Variants in SUMF1 observed in about 807,000 individuals in gnomAD.
SUMF1 encodes formylglycine-generating enzyme.
A neutral mutation model predicts 47.6 loss-of-function variants in SUMF1; 48 were observed. The observed-to-expected ratio is 1.01, with a 90% CI of 0.80 to 1.28. SUMF1 has a LOEUF of 1.28. SUMF1 is among the 50% of genes most tolerant of loss of function. The pLI is 0.00. For synonymous variants in SUMF1, 230 were observed against 192.1 expected, an observed-to-expected ratio of 1.20 and a Z score of -1.63; for missense variants, 571 against 485.4, an observed-to-expected ratio of 1.18 and a Z score of -1.66.
At chr3:4,411,080 T>A (rs1701526467) in intron 6 of SUMF1, 102 bp from the exon 7 acceptor site, 1 of 982,916 alleles carries the variant, frequency 1.0e-6, no homozygotes, top group Non-Finnish European at 1.6e-6. Flanking sequence ...AGAGTATGAA[T>A]GTTGGGTTTT....
At chr3:4,047,776 G>C (rs1695031198) in intron 9 of SUMF1, among the ~76,000 whole-genome samples, 1 of 152,036 alleles carries the variant, frequency 6.6e-6, no homozygotes, top group South Asian at 2.1e-4. Context: ...CAATGCACTG[G>C]GAGTTTGAAT....
intron 8 of SUMF1, among the ~76,000 whole-genome samples, chr3:4,282,064 T>C (rs2125046717): frequency 6.6e-6 from 1 of 152,324 alleles, no homozygotes; most frequent in East Asian, 1.9e-4. Flanking sequence ...TTTGTCATTA[T>C]CGTGATACAT....
intron 2 of SUMF1, 94 bp downstream of exon 2, chr3:4,452,782 A>C: frequency 7.1e-7 from 1 of 1,408,124 alleles, no homozygotes; most frequent in Non-Finnish European, 1.0e-6. Context: ...CACAGAATGC[A>C]GTAAAAATGG....
chr3:4,201,425 T>C (rs1444356523), intron 8 of SUMF1, among the ~76,000 whole-genome samples: 1 of 152,110 alleles, frequency 6.6e-6, no homozygotes, highest in Non-Finnish European at 1.5e-5. Flanking sequence ...CTTATTTCAC[T>C]TGACATTATG....
intron 8 of SUMF1, among the ~76,000 whole-genome samples, chr3:4,235,758 T>C (rs1210968533): frequency 1.3e-5 from 2 of 152,090 alleles, no homozygotes; most frequent in African/African-American, 4.8e-5. Context: ...TATCTGCTGA[T>C]ATTTTTTATG....
At chr3:4,260,942 T>G (rs1309139171) in intron 8 of SUMF1, among the ~76,000 whole-genome samples, 1 of 152,096 alleles carries the variant, frequency 6.6e-6, no homozygotes, top group African/African-American at 2.4e-5. Flanking sequence ...GAAGCCCTGG[T>G]GATACCTTGA....
intron 8 of SUMF1, among the ~76,000 whole-genome samples, chr3:4,257,509 A>G (rs1250857133): frequency 6.8e-6 from 1 of 146,092 alleles, no homozygotes; most frequent in African/African-American, 2.5e-5. Flanking sequence ...CTCCCATTCA[A>G]AATTGCTTCA....
chr3:4,298,000 A>C (rs1356249901), intron 8 of SUMF1, among the ~76,000 whole-genome samples: 2 of 152,136 alleles, frequency 1.3e-5, no homozygotes, highest in African/African-American at 4.8e-5. Flanking sequence ...GGATAACTGA[A>C]CCTATGAAAT....
intron 8 of SUMF1, among the ~76,000 whole-genome samples, chr3:4,110,237 C>T (rs1404989832): frequency 4.6e-5 from 7 of 152,048 alleles, no homozygotes; most frequent in South Asian, 2.1e-4. Context: ...TGCAGAACAG[C>T]GGATATTGGT....
chr3:4,190,584 G>T (rs1695293600), intron 8 of SUMF1, among the ~76,000 whole-genome samples: 1 of 152,034 alleles, frequency 6.6e-6, no homozygotes, highest in Admixed American at 6.6e-5. Flanking sequence ...TACATTTGTA[G>T]AACTCTGCAT....
intron 1 of SUMF1, 137 bp downstream of exon 1, chr3:4,466,839 A>G: frequency 7.5e-7 from 1 of 1,331,494 alleles, no homozygotes. Context: ...AACTCCTCAT[A>G]CGGGAACAGC....
At position 4,221,664 on chromosome 3, in the gene SUMF1, G is replaced by C. The variant is rs139871814; in HGVS notation, c.1015-152919C>G. On this transcript the variant is annotated intron_variant and NMD_transcript_variant, in intron 8 of 12. Transcript: ENST00000448413. ...TAAATGAATGCCAATTATGTGCCAG[G>C]CACTGTGCAAGGAAATCAGAATTCT... Among the ~76,000 whole-genome samples, 21 of 152,098 alleles carry C rather than the reference G, an allele frequency of 1.4e-4. No homozygotes were observed. The East Asian group carries it at 3.9e-3, about 28-fold the overall frequency.
chr3:4,453,749 G>A (rs1703059645), intron 1 of SUMF1, among the ~76,000 whole-genome samples: 1 of 151,938 alleles, frequency 6.6e-6, no homozygotes, highest in African/African-American at 2.4e-5. Context: ...GGCCAGGCTG[G>A]TCTTGAACTC....
At chr3:4,395,500 G>C (rs929099654) in intron 7 of SUMF1, among the ~76,000 whole-genome samples, 1 of 152,180 alleles carries the variant, frequency 6.6e-6, no homozygotes, top group Admixed American at 6.5e-5. Flanking sequence ...AGAGGAAAAG[G>C]TGACGCCCAA....
chr3:4,318,812 G>A (rs80026550), intron 8 of SUMF1, among the ~76,000 whole-genome samples: 1,741 of 152,210 alleles, frequency 0.011, 38 homozygotes, highest in African/African-American at 0.04. Context: ...TGAGGCTGAG[G>A]CAGGAGAATC....
Position 4,435,119 on chromosome 3 carries a change from G to T in SUMF1, c.519+14147C>A, listed in dbSNP as rs544469423. 2.0e-5 allele frequency among the ~76,000 whole-genome samples: 3 copies of T among 152,228 alleles called. No homozygotes were observed. The South Asian group carries it at 6.2e-4, about 32-fold the overall frequency. ...TTTTTGTATTTTTAGTAGAGATGGG[G>T]TTTCACCACGTTAGCCAGGCTGGTC... On this transcript the variant is annotated intron_variant, in intron 3 of 8. Transcript: ENST00000272902.
At chr3:4,294,393 T>C (rs1394363414) in intron 8 of SUMF1, among the ~76,000 whole-genome samples, 1 of 152,014 alleles carries the variant, frequency 6.6e-6, no homozygotes, top group Non-Finnish European at 1.5e-5. Flanking sequence ...CAAGACCCTA[T>C]CTCTACAAAA....
At chr3:4,281,095 G>A (rs1458327102) in intron 8 of SUMF1, among the ~76,000 whole-genome samples, 5 of 152,018 alleles carry the variant, frequency 3.3e-5, no homozygotes, top group African/African-American at 1.2e-4. Context: ...GGAAAAGCAG[G>A]GACTGGGACT....
intron 8 of SUMF1, chr3:4,313,221 G>T: frequency 6.2e-7 from 1 of 1,613,904 alleles, no homozygotes; most frequent in African/African-American, 1.3e-5. Flanking sequence ...AATTTATACC[G>T]AAAGGAAGGT....
Sources: gnomAD v4.1 joint callset for allele counts (sites outside exome capture counted in the v4.1 genomes callset) on GRCh38, gnomAD v4.1.1 for gene constraint, MANE v1.5 for transcripts, NCBI Gene and HGNC (gene_info 2026-07-23, HGNC 2026-07-21) for gene names.